MAP3K5: variants seen among roughly 807,000 people sequenced by gnomAD.
The protein encoded by MAP3K5 is ASK-1.
In MAP3K5, 56 loss-of-function variants were observed where a neutral mutation model predicts 158.7. The ratio of observed to expected loss-of-function variants is 0.35; its 90% CI spans 0.28 to 0.44. The LOEUF (loss-of-function observed/expected upper bound fraction) is 0.44, where lower values mean the gene tolerates loss of function less well. MAP3K5 is among the 20% of genes least tolerant of loss of function. The pLI is 1.00. For synonymous variants in MAP3K5, 579 were observed against 601.7 expected (o/e 0.96, Z 0.55); for missense variants, 1,294 against 1,674.8 (o/e 0.77, Z 3.97).
At chr6:136,683,402 T>C (rs1320522527) in intron 7 of MAP3K5, among the ~76,000 whole-genome samples, 1 of 152,196 alleles carries the variant, frequency 6.6e-6, no homozygotes, top group Non-Finnish European at 1.5e-5. Context: ...GGAATGGCCA[T>C]AGCCATCTTG....
At chr6:136,783,993 T>C (rs1784732755) in intron 1 of MAP3K5, among the ~76,000 whole-genome samples, 1 of 152,166 alleles carries the variant, frequency 6.6e-6, no homozygotes, top group Non-Finnish European at 1.5e-5. Flanking sequence ...ACCAGACCTC[T>C]GAAACAGGAA....
chr6:136,715,718 C>T (rs1781488947), intron 2 of MAP3K5, among the ~76,000 whole-genome samples: 1 of 152,108 alleles, frequency 6.6e-6, no homozygotes, highest in African/African-American at 2.4e-5. Flanking sequence ...GTTTTAAGTG[C>T]TCTATAATAT....
At chr6:136,766,740 T>C (rs551054401) in intron 1 of MAP3K5, among the ~76,000 whole-genome samples, 122 of 152,368 alleles carry the variant, frequency 8.0e-4, no homozygotes, top group South Asian at 3.3e-3. Flanking sequence ...TCTTGTATCT[T>C]AATGCTAAAA....
chr6:136,652,229 C>T (rs371272087), intron 10 of MAP3K5, among the ~76,000 whole-genome samples: 35 of 152,120 alleles, frequency 2.3e-4, no homozygotes, highest in African/African-American at 7.5e-4. Context: ...ACCTTAACAG[C>T]GCATTTACTT....
Position 136,637,458 on chromosome 6 carries a change from T to C in MAP3K5, c.1935-52A>G, listed in dbSNP as rs754084853. 31 of 1,053,194 alleles carry C rather than the reference T, an allele frequency of 2.9e-5. No individual in the cohort carries two copies. The East Asian group carries it at 7.3e-4, about 25-fold the overall frequency. 65.2% of individuals were successfully genotyped at this position (1,053,194 alleles called of 1,614,324 possible). ...TTCATAACACAAACAATAGTAAATA[T>C]AAGCAAGTACATCTCAAAGTGACTT... On this transcript the variant is annotated intron_variant, in intron 13 of 29. Coordinates refer to ENST00000359015, the MANE Select transcript of MAP3K5 (RefSeq NM_005923.4).
chr6:136,721,224 T>TA (rs571915521), intron 1 of MAP3K5, among the ~76,000 whole-genome samples: 15,675 of 135,940 alleles, frequency 0.12, 2,012 homozygotes, highest in African/African-American at 0.33. Flanking sequence ...ATAAGGAAAT[T>TA]AAAAAAAAAA....
chr6:136,615,384 C>T (rs890527955), intron 15 of MAP3K5, among the ~76,000 whole-genome samples: 8 of 152,214 alleles, frequency 5.3e-5, no homozygotes, highest in African/African-American at 1.9e-4. Flanking sequence ...GCAGAGGGGA[C>T]TTCTTTTCAT....
chr6:136,766,972 T>G (rs777683018), intron 1 of MAP3K5, among the ~76,000 whole-genome samples: 5 of 152,180 alleles, frequency 3.3e-5, no homozygotes, highest in Non-Finnish European at 7.4e-5. Context: ...TATAGAAACA[T>G]AGTAAAAGCA....
chr6:136,625,656 C>A (rs1172962353), intron 14 of MAP3K5, among the ~76,000 whole-genome samples: 1 of 152,132 alleles, frequency 6.6e-6, no homozygotes, highest in Non-Finnish European at 1.5e-5. Context: ...CCCTGGAGTG[C>A]CTGGCAGAAA....
rs191576357 is a variant in MAP3K5, at chr6:136,617,070, T to C, written c.2151-2784A>G. On this transcript the variant is annotated intron_variant, in intron 15 of 29. Transcript: ENST00000359015. ...CCACCTCCTGATTCTCTACTGAAAA[T>C]CAAAACATCAATGCTTAAACTTAAG... Among the ~76,000 whole-genome samples the C allele has an allele frequency of 9.0e-3, 1,367 of 152,112 alleles. 8 individuals carry two copies. The highest frequency in any genetic ancestry group is 0.016 in the Non-Finnish European group (1,070 of 67,992).
intron 1 of MAP3K5, among the ~76,000 whole-genome samples, chr6:136,766,015 G>C (rs1194330402): frequency 6.6e-6 from 1 of 152,060 alleles, no homozygotes; most frequent in African/African-American, 2.4e-5. Flanking sequence ...GACTTGCTTG[G>C]ATTATACATA....
chr6:136,707,351 C>G (rs1300853300), intron 2 of MAP3K5, among the ~76,000 whole-genome samples: 1 of 152,174 alleles, frequency 6.6e-6, no homozygotes, highest in Non-Finnish European at 1.5e-5. Flanking sequence ...ATTGAGAAAG[C>G]CTGGGAAGCT....
In MAP3K5 at chr6:136,632,559, C is replaced by T. The variant is rs537793595; in HGVS notation, c.2016+4766G>A. Among the ~76,000 whole-genome samples the T allele has an allele frequency of 9.7e-4, 147 of 151,994 alleles. 3 individuals carry two copies. The South Asian group carries it at 0.028, about 29-fold the overall frequency. On this transcript the variant is annotated intron_variant, in intron 14 of 29. Transcript: ENST00000359015. Reference sequence around the variant, plus strand: ...ATCAAAGGTTTTTAATCTGGGGAGTCGCAGGATTAAATCTGTATGAGAGAT... The same window carrying T: ...ATCAAAGGTTTTTAATCTGGGGAGTTGCAGGATTAAATCTGTATGAGAGAT...
chr6:136,562,837 ATTTTT>A (rs3040779), intron 26 of MAP3K5, among the ~76,000 whole-genome samples: 1 of 124,838 alleles, frequency 8.0e-6, no homozygotes, highest in Non-Finnish European at 1.6e-5. Context: ...TGCCTGGCTA[ATTTTT>A]TTTTTTTTTT....
chr6:136,655,719 T>C (rs1177201986), intron 10 of MAP3K5, among the ~76,000 whole-genome samples: 2 of 149,926 alleles, frequency 1.3e-5, no homozygotes, highest in Non-Finnish European at 2.9e-5. Flanking sequence ...TGTGTGTGTG[T>C]GTGTGTGTGT....
Position 136,614,074 on chromosome 6 carries a change from C to A in MAP3K5, c.2278+85G>T, listed in dbSNP as rs1463205739. The A allele has an allele frequency of 2.3e-5, 33 of 1,465,352 alleles. No individual in the cohort carries two copies. In the East Asian group the frequency reaches 7.5e-4, roughly 33 times the overall value. 90.8% of individuals were successfully genotyped at this position (1,465,352 alleles called of 1,614,324 possible). On this transcript the variant is annotated intron_variant, in intron 16 of 29. Transcript: ENST00000359015. ...TCTTTCAGTTTAGACAGATTAAGAC[C>A]TGTACGCTAGTAAATCCCATTCAAT...
chr6:136,639,416 G>T, intron 13 of MAP3K5, 127 bp downstream of exon 13: 1 of 498,602 alleles, frequency 2.0e-6, no homozygotes, highest in Admixed American at 4.1e-5. Context: ...TAAAATATTA[G>T]CCCAAATAAA....
intron 24 of MAP3K5, among the ~76,000 whole-genome samples, chr6:136,580,773 C>T (rs894110508): frequency 6.6e-6 from 1 of 152,014 alleles, no homozygotes; most frequent in African/African-American, 2.4e-5. Context: ...AAAGGCTGTT[C>T]TTACTGTTCA....
intron 11 of MAP3K5, among the ~76,000 whole-genome samples, chr6:136,642,879 G>T (rs1778052156): frequency 6.6e-6 from 1 of 152,128 alleles, no homozygotes; most frequent in South Asian, 2.1e-4. Flanking sequence ...AGTAAAAAAA[G>T]TCAATGATCA....
Sources: gnomAD v4.1 joint callset for allele counts (sites outside exome capture counted in the v4.1 genomes callset) on GRCh38, gnomAD v4.1.1 for gene constraint, MANE v1.5 for transcripts, NCBI Gene and HGNC (gene_info 2026-07-23, HGNC 2026-07-21) for gene names.